Variants in LRRC56 observed in about 807,000 individuals in gnomAD.
LRRC56 encodes leucine rich repeat containing 56, also known as leucine-rich repeat-containing protein 56.
In LRRC56, 41 loss-of-function variants were observed where a neutral mutation model predicts 47.8. That is an observed-to-expected ratio of 0.86 (90% CI 0.67 to 1.11). The LOEUF is 1.11. LRRC56 is among the 50% of genes most tolerant of loss of function. LRRC56 has a pLI of 0.00. For missense variants in LRRC56, 759 were observed against 704.2 expected (o/e 1.08, Z -0.88); for synonymous variants, 387 against 311.2 (o/e 1.24, Z -2.56).
chr11:537,029 G>A (rs1413900970), upstream of LRRC56: 1 of 148,182 alleles, frequency 6.7e-6, no homozygotes, highest in Non-Finnish European at 1.5e-5. Flanking sequence ...CCGGCGTCCG[G>A]TGTGTGTTTC....
intron 6 of LRRC56, among the ~76,000 whole-genome samples, chr11:545,596 T>C (rs561774628): frequency 6.6e-6 from 1 of 151,870 alleles, no homozygotes; most frequent in Admixed American, 6.6e-5. Flanking sequence ...GCAGAGCCTG[T>C]GTACAGAACC....
rs760843700 is a variant in LRRC56, at chr11:554,075, G to A, written c.1428G>A (p.Gly476=). 1.2e-6 allele frequency: 2 copies of A among 1,609,762 alleles called. No individual in the cohort carries two copies. Among genetic ancestry groups the A allele is most frequent in the Non-Finnish European group, 8.5e-7 (1 of 1,179,186 alleles). Residue 476 remains glycine, a synonymous_variant, in exon 14 of 14, where the codon GGG becomes GGA. Coordinates refer to ENST00000270115, the MANE Select transcript of LRRC56 (RefSeq NM_198075.4). ...GGTCGACAGACCTGCAGTCCAGGGG[G>A]CGTCGGCTCCGAGTCCTGGGCAGCT... ...PRWSTDLQSR[G]RRLRVLGSWG...
At chr11:520,699 G>T in the LRRC56 span, among the ~76,000 whole-genome samples, 3 of 152,096 alleles carry the variant, frequency 2.0e-5, no homozygotes, top group East Asian at 5.8e-4. Flanking sequence ...TTAAACACAT[G>T]CTCAGAGCCC....
upstream of LRRC56, among the ~76,000 whole-genome samples, chr11:536,587 T>G (rs1316712297): frequency 6.6e-6 from 1 of 152,018 alleles, no homozygotes; most frequent in East Asian, 1.9e-4. Flanking sequence ...CTGGCCAACA[T>G]GATGAAACCC....
chr11:524,456 AC>A, the LRRC56 span, among the ~76,000 whole-genome samples: 1 of 151,436 alleles, frequency 6.6e-6, no homozygotes, highest in South Asian at 2.1e-4. Flanking sequence ...ACATCGAGAA[AC>A]CCCGTCTCTA....
rs1852476592 is a variant in LRRC56 at position 552,697 on chromosome 11, C to T, written c.1310C>T (p.Ala437Val). ...ACTCCCTCCAGCCCCCCAAGCCTGG[C>T]CTCAGGTACTGAGCCTGCCCGCCTG... The part of the protein sequence containing the change: ...PKTPSSPPSL[A>V]SEPSGTSSQH... Residue 437 changes from alanine to valine, a missense_variant, in exon 13 of 14, where the codon GCC (alanine) becomes GTC (valine). Physicochemically the swap from Ala to Val is moderately conservative, Grantham distance 64. Transcript: ENST00000270115. The T allele has an allele frequency of 1.9e-6, 3 of 1,603,844 alleles. No homozygotes were observed. The highest frequency in any genetic ancestry group is 1.7e-5 in the Admixed American group (1 of 58,910).
upstream of LRRC56, among the ~76,000 whole-genome samples, chr11:536,573 C>T (rs2134007092): frequency 6.6e-6 from 1 of 152,266 alleles, no homozygotes; most frequent in Non-Finnish European, 1.5e-5. Flanking sequence ...AGTTCAAGAC[C>T]AGCCTGGCCA....
chr11:513,634 C>T, the LRRC56 span, among the ~76,000 whole-genome samples: 3 of 152,078 alleles, frequency 2.0e-5, no homozygotes, highest in Non-Finnish European at 2.9e-5. Context: ...CAAACAGCAT[C>T]GCGTGCTACG....
chr11:511,948 AT>A, the LRRC56 span, among the ~76,000 whole-genome samples: 261 of 146,536 alleles, frequency 1.8e-3, no homozygotes, highest in East Asian at 3.9e-3. Context: ...TAGGAGGCGA[AT>A]TTTTTTTTTT....
At position 551,216 on chromosome 11, in the gene LRRC56, C is replaced by T; in HGVS notation, c.710C>T (p.Thr237Ile). Reference sequence around the variant, plus strand: ...CTGGACGAAGTGCCGGCCGCACACACAGGCCCACCGGCCCCCCCGCGGCTG... The same window carrying T: ...CTGGACGAAGTGCCGGCCGCACACATAGGCCCACCGGCCCCCCCGCGGCTG... The part of the protein sequence containing the change: ...QVLDEVPAAH[T>I]GPPAPPRLSQ... The change falls in exon 9 of 14, where the codon ACA becomes ATA. Residue 237 changes from threonine (T) to isoleucine (I), a missense_variant. Thr to Ile is a moderately conservative substitution (Grantham distance 89). Transcript: ENST00000270115. 6.5e-7 allele frequency: 1 copy of T among 1,547,516 alleles called. No homozygotes were observed. Among genetic ancestry groups the T allele is most frequent in the Non-Finnish European group, 8.7e-7 (1 of 1,145,166 alleles).
the LRRC56 span, among the ~76,000 whole-genome samples, chr11:521,362 G>C: frequency 6.6e-6 from 1 of 152,158 alleles, no homozygotes; most frequent in Non-Finnish European, 1.5e-5. Flanking sequence ...CATCTGGAGT[G>C]CAGTGCCATG....
upstream of LRRC56, chr11:534,580 C>T (rs2133996829): frequency 3.5e-6 from 2 of 573,626 alleles, no homozygotes; most frequent in Admixed American, 6.1e-5. Context: ...CTCTTAATGA[C>T]CCAGTGATGG....
chr11:538,068 G>A (rs1589800102), intron 1 of LRRC56, among the ~76,000 whole-genome samples: 2 of 152,186 alleles, frequency 1.3e-5, no homozygotes, highest in Admixed American at 6.5e-5. Context: ...GACACAGGGT[G>A]GGAGCAGGGC....
At chr11:533,398 C>T, upstream of LRRC56, 1 of 1,443,912 alleles carries the variant, frequency 6.9e-7, no homozygotes, top group Admixed American at 1.7e-5. Context: ...TGCTCCCTGG[C>T]TGGGGCGGGG....
the LRRC56 span, among the ~76,000 whole-genome samples, chr11:517,113 G>A: frequency 6.6e-6 from 1 of 152,242 alleles, no homozygotes; most frequent in African/African-American, 2.4e-5. Flanking sequence ...GCCTCCCGGG[G>A]TGCTGGGATT....
upstream of LRRC56, among the ~76,000 whole-genome samples, chr11:536,434 A>G (rs1051313023): frequency 2.0e-5 from 3 of 152,266 alleles, no homozygotes; most frequent in Non-Finnish European, 4.4e-5. Context: ...TGTTTTTAAC[A>G]TTTTTTAAAA....
At chr11:544,176 G>T (rs1461100795) in intron 5 of LRRC56, among the ~76,000 whole-genome samples, 1 of 152,232 alleles carries the variant, frequency 6.6e-6, no homozygotes, top group Non-Finnish European at 1.5e-5. Flanking sequence ...ACAGGCTGGG[G>T]CGTGCAGTGA....
chr11:523,658 C>T, the LRRC56 span, among the ~76,000 whole-genome samples: 3 of 148,614 alleles, frequency 2.0e-5, no homozygotes, highest in South Asian at 2.1e-4. Context: ...GGGGGCCGGG[C>T]GCGGTGGCTC....
upstream of LRRC56, chr11:535,239 C>T (rs1851398814): frequency 6.7e-6 from 1 of 149,374 alleles, no homozygotes; most frequent in Non-Finnish European, 1.5e-5. Context: ...CCCGCCGCAG[C>T]CCCCGACGCC....
Sources: allele counts gnomAD v4.1 joint callset (sites outside exome capture counted in the v4.1 genomes callset), GRCh38; gene constraint gnomAD v4.1.1; transcripts MANE v1.5; gene names NCBI Gene and HGNC (gene_info 2026-07-23, HGNC 2026-07-21).